Variants in CDKAL1 observed in about 807,000 individuals in gnomAD.
CDKAL1 encodes the protein threonylcarbamoyladenosine tRNA methylthiotransferase.
A neutral mutation model predicts 68.2 loss-of-function variants in CDKAL1; 32 were observed. That is an observed-to-expected ratio of 0.47 (90% CI 0.35 to 0.63). The LOEUF is 0.63. Among genes scored for constraint, CDKAL1 ranks in the 30% least tolerant of loss-of-function variants. The pLI, the probability that CDKAL1 is intolerant of heterozygous loss-of-function variation, is 0.00. For missense variants in CDKAL1, 606 were observed against 696.7 expected (o/e 0.87, Z 1.47); for synonymous variants, 234 against 244.3 (o/e 0.96, Z 0.39).
intron 8 of CDKAL1, among the ~76,000 whole-genome samples, chr6:20,786,080 A>G (rs1775659004): frequency 6.6e-6 from 1 of 151,854 alleles, no homozygotes; most frequent in East Asian, 1.9e-4. Context: ...AATTAGCTGG[A>G]TGTGGTGGTT....
chr6:20,639,570 A>G (rs987732035), intron 4 of CDKAL1, among the ~76,000 whole-genome samples: 4 of 152,240 alleles, frequency 2.6e-5, no homozygotes, highest in Admixed American at 2.6e-4. Flanking sequence ...CAGATTTTGA[A>G]AACATGGTTA....
intron 11 of CDKAL1, among the ~76,000 whole-genome samples, chr6:21,048,046 C>T (rs1412308639): frequency 1.3e-5 from 2 of 152,184 alleles, no homozygotes; most frequent in African/African-American, 4.8e-5. Context: ...CCTCAACTCA[C>T]CCTGGAGTGT....
intron 4 of CDKAL1, among the ~76,000 whole-genome samples, chr6:20,604,140 G>A (rs755756791): frequency 4.6e-5 from 7 of 152,056 alleles, no homozygotes; most frequent in African/African-American, 7.2e-5. Context: ...CTAGTGAGCT[G>A]GACAGAACAA....
At chr6:20,644,471 A>T (rs1299434638) in intron 4 of CDKAL1, among the ~76,000 whole-genome samples, 1 of 152,044 alleles carries the variant, frequency 6.6e-6, no homozygotes. Context: ...AGATCAGGAG[A>T]TTGAGACCAT....
rs1778918404 is a variant in CDKAL1, at chr6:21,206,012, T to C, written c.1548+4738T>C. Among the ~76,000 whole-genome samples, 4 of 147,472 alleles carry C rather than the reference T, an allele frequency of 2.7e-5. No homozygotes were observed. The South Asian group carries it at 8.5e-4, about 31-fold the overall frequency. ...ACCGCGCCCGGCTAATTTTTTTTTT[T>C]TCTTTGTATTTTAGTAGAGACGGGG... On this transcript the variant is annotated intron_variant, in intron 15 of 15. Coordinates refer to ENST00000274695, the MANE Select transcript of CDKAL1 (RefSeq NM_017774.3).
chr6:20,555,076 T>C (rs1763981761), intron 4 of CDKAL1, among the ~76,000 whole-genome samples: 1 of 152,210 alleles, frequency 6.6e-6, no homozygotes, highest in Admixed American at 6.5e-5. Context: ...GTTTATTCAT[T>C]TGGCAAACAT....
intron 8 of CDKAL1, among the ~76,000 whole-genome samples, chr6:20,810,392 TCA>T (rs59104508): frequency 0.027 from 3,113 of 115,496 alleles, 77 homozygotes; most frequent in African/African-American, 0.04. Context: ...TCTCTCTCTG[TCA>T]CACACACACA....
At chr6:20,852,847 C>A (rs1185357456) in intron 9 of CDKAL1, among the ~76,000 whole-genome samples, 1 of 152,176 alleles carries the variant, frequency 6.6e-6, no homozygotes, top group Non-Finnish European at 1.5e-5. Flanking sequence ...TGAGGCCTTT[C>A]CTCAGAACTT....
chr6:20,717,027 A>G (rs1417485304), intron 5 of CDKAL1, among the ~76,000 whole-genome samples: 1 of 152,082 alleles, frequency 6.6e-6, no homozygotes, highest in African/African-American at 2.4e-5. Flanking sequence ...TGAGAAATTG[A>G]GTTAGATGAA....
At chr6:20,617,260 G>A (rs1233762939) in intron 4 of CDKAL1, among the ~76,000 whole-genome samples, 7 of 147,170 alleles carry the variant, frequency 4.8e-5, no homozygotes, top group Non-Finnish European at 1.1e-4. Context: ...TTTTATTAGT[G>A]TAGAAGTGTC....
intron 13 of CDKAL1, among the ~76,000 whole-genome samples, chr6:21,121,948 T>C (rs1582243009): frequency 6.6e-6 from 1 of 152,192 alleles, no homozygotes; most frequent in African/African-American, 2.4e-5. Flanking sequence ...TACGTGGTCT[T>C]TACCTGTGCC....
chr6:20,759,724 A>G (rs1774383325), intron 7 of CDKAL1, among the ~76,000 whole-genome samples: 2 of 152,210 alleles, frequency 1.3e-5, no homozygotes, highest in African/African-American at 2.4e-5. Context: ...TTGTTAGCCA[A>G]CACTCACTGA....
intron 12 of CDKAL1, among the ~76,000 whole-genome samples, chr6:21,066,373 T>C (rs1771439002): frequency 6.6e-6 from 1 of 152,192 alleles, no homozygotes; most frequent in Non-Finnish European, 1.5e-5. Context: ...AAAAGCAGAT[T>C]GTAACACCAC....
chr6:20,837,748 A>ATAG (rs1778007138), intron 8 of CDKAL1, among the ~76,000 whole-genome samples: 1 of 149,956 alleles, frequency 6.7e-6, no homozygotes, highest in African/African-American at 2.4e-5. Flanking sequence ...TCAGCATATA[A>ATAG]TAATAATAAT....
At chr6:20,911,083 C>T (rs115699897) in intron 9 of CDKAL1, among the ~76,000 whole-genome samples, 1,617 of 152,332 alleles carry the variant, frequency 0.011, 29 homozygotes, top group African/African-American at 0.036. Context: ...CAAACTAATG[C>T]ATGTAATGCA....
chr6:20,603,110 G>GTAT (rs1369786505), intron 4 of CDKAL1, among the ~76,000 whole-genome samples: 1 of 152,170 alleles, frequency 6.6e-6, no homozygotes, highest in Admixed American at 6.6e-5. Flanking sequence ...CTTTTTCTGT[G>GTAT]TATTATTTGG....
chr6:21,108,280 T>TAAAAAAAAAAAAAAAAAAAAA (rs77019216), intron 12 of CDKAL1, 121 bp from the exon 13 acceptor site: 1 of 443,090 alleles, frequency 2.3e-6, no homozygotes, highest in African/African-American at 2.3e-5. Flanking sequence ...AAGAATCTCT[T>TAAAAAAAAAAAAAAAAAAAAA]AAAAAAAAAA....
chr6:20,811,361 G>A (rs1389707317), intron 8 of CDKAL1, among the ~76,000 whole-genome samples: 1 of 152,182 alleles, frequency 6.6e-6, no homozygotes, highest in Non-Finnish European at 1.5e-5. Context: ...GAGACGCTGA[G>A]GTCATTCCCA....
chr6:20,902,432 T>C (rs894550253), intron 9 of CDKAL1, among the ~76,000 whole-genome samples: 5 of 152,036 alleles, frequency 3.3e-5, no homozygotes, highest in African/African-American at 1.2e-4. Flanking sequence ...CATTAATAGT[T>C]CCCAGGTTTA....
Sources: gnomAD v4.1 joint callset for allele counts (sites outside exome capture counted in the v4.1 genomes callset) on GRCh38, gnomAD v4.1.1 for gene constraint, MANE v1.5 for transcripts, NCBI Gene and HGNC (gene_info 2026-07-23, HGNC 2026-07-21) for gene names.